Variants in DCAF10 observed in about 807,000 individuals in gnomAD.
DCAF10 encodes DDB1 and CUL4 associated factor 10.
Under a neutral mutation model 51.9 loss-of-function variants are expected in DCAF10, and 19 were observed. The ratio of observed to expected loss-of-function variants is 0.37; its 90% CI spans 0.26 to 0.54. The LOEUF is 0.54. DCAF10 is among the 20% of genes least tolerant of loss of function. The pLI, the probability that DCAF10 is intolerant of heterozygous loss-of-function variation, is 0.87. For synonymous variants in DCAF10, 291 were observed against 297.1 expected, an observed-to-expected ratio of 0.98 and a Z score of 0.21; for missense variants, 510 against 730.6, an observed-to-expected ratio of 0.70 and a Z score of 3.48.
chr9:37,860,437 A>G, intron 6 of DCAF10: 1 of 384,694 alleles, frequency 2.6e-6, no homozygotes, highest in Non-Finnish European at 4.6e-6. Context: ...TTTAAAGGCC[A>G]GCATCAGCTC....
intron 1 of DCAF10, among the ~76,000 whole-genome samples, chr9:37,812,126 G>A (rs1284393306): frequency 6.6e-6 from 1 of 151,990 alleles, no homozygotes; most frequent in Non-Finnish European, 1.5e-5. Flanking sequence ...GCTGCAGTGA[G>A]CTGAGATTGC....
chr9:37,837,480 A>G (rs1216678568), intron 2 of DCAF10, among the ~76,000 whole-genome samples: 1 of 151,794 alleles, frequency 6.6e-6, no homozygotes, highest in African/African-American at 2.4e-5. Context: ...AAAAAAGAAA[A>G]GAAAATTGTG....
chr9:37,827,122 G>A (rs565435278), intron 2 of DCAF10, among the ~76,000 whole-genome samples: 74 of 152,122 alleles, frequency 4.9e-4, no homozygotes, highest in African/African-American at 1.7e-3. Flanking sequence ...CACTGCGCCC[G>A]GCCACCACAA....
chr9:37,854,277 T>C (rs7022002), intron 3 of DCAF10, among the ~76,000 whole-genome samples: 29,130 of 151,978 alleles, frequency 0.19, 3,195 homozygotes, highest in African/African-American at 0.29. Context: ...TTTATTTTAA[T>C]TTTTTAAATT....
chr9:37,854,850 C>T lies in DCAF10; in HGVS notation c.922C>T (p.Pro308Ser), dbSNP rs1416077849. 2 of 1,614,002 alleles carry T rather than the reference C, an allele frequency of 1.2e-6. No homozygotes were observed. Among genetic ancestry groups the T allele is most frequent in the South Asian group, 2.2e-5 (2 of 91,066 alleles). Residue 308 changes from proline (P) to serine (S), a missense_variant, in exon 4 of 7, where the codon CCA becomes TCA. Pro to Ser is a moderately conservative substitution (Grantham distance 74). Transcript: ENST00000377724. ...TRFLMRMRLT[P>S]DCSKMLISTS... is the part of the protein sequence containing the mutation. ...TTTTCTCATGCGAATGAGGTTAACA[C>T]CAGATTGTTCCAAAATGTTGATTTC... is the stretch of plus-strand genomic sequence containing the variant.
chr9:37,814,781 A>G (rs1373589915), intron 1 of DCAF10, among the ~76,000 whole-genome samples: 1 of 152,190 alleles, frequency 6.6e-6, no homozygotes, highest in East Asian at 1.9e-4. Context: ...AGCACTACCA[A>G]ATTTACAAGA....
intron 3 of DCAF10, among the ~76,000 whole-genome samples, chr9:37,850,067 A>T (rs1045414739): frequency 1.4e-4 from 22 of 152,198 alleles, no homozygotes; most frequent in African/African-American, 5.1e-4. Flanking sequence ...TTTAAAACAT[A>T]AAATAGATAA....
At position 37,841,994 on chromosome 9, in the gene DCAF10, T is replaced by G. The variant is rs550456098; in HGVS notation, c.654-95T>G. 3 of 1,196,646 alleles carry G rather than the reference T, an allele frequency of 2.5e-6. No homozygotes were observed. The East Asian group carries it at 7.4e-5, about 29-fold the overall frequency. The allele number at this position is 1,196,646 out of a possible 1,614,324, so 74.1% of individuals were successfully genotyped here. ...GAGTGTGTAGTCCTTTTTTTCTTTCTTTCTTGACTAGGTAATATAGTGACT... is the reference window on the plus strand; with the variant it reads ...GAGTGTGTAGTCCTTTTTTTCTTTCGTTCTTGACTAGGTAATATAGTGACT... On this transcript the variant is annotated intron_variant, in intron 2 of 6. Coordinates refer to ENST00000377724, the MANE Select transcript of DCAF10 (RefSeq NM_024345.5).
intron 2 of DCAF10, chr9:37,836,032 C>G: frequency 1.9e-6 from 2 of 1,054,652 alleles, no homozygotes; most frequent in South Asian, 1.3e-5. Context: ...AAACGCCGTC[C>G]GCGCCGCCAC....
Position 37,801,051 on chromosome 9 carries a change from T to G in DCAF10, c.185T>G (p.Leu62Arg). The G allele has an allele frequency of 6.5e-7, 1 of 1,535,798 alleles. No individual in the cohort carries two copies. The highest frequency in any genetic ancestry group is 8.7e-7 in the Non-Finnish European group (1 of 1,150,214). ...CCTCGCCGCCCCGGCGCCCCATCGC[T>G]GTCCCCGGCCCCGCGCTCCGGAGAG... ...RSPRRPGAPS[L>R]SPAPRSGELG... Residue 62 changes from leucine (L) to arginine (R), a missense_variant, in exon 1 of 7, where the codon CTG becomes CGG. Leu to Arg is a moderately radical substitution (Grantham distance 102). Transcript: ENST00000377724. This position sits in a 1 kb window ranked among gnomAD's most constrained non-coding sequence, Gnocchi z 5.5.
rs1185016070 is a variant in DCAF10 at position 37,822,792 on chromosome 9, AAAAAT to A, written c.653+3401_653+3405del. On this transcript the variant is annotated intron_variant, in intron 2 of 6. Transcript: ENST00000377724. ...CCACCTGTATTCCAATAACTTATGG[AAAAAT>A]AAAATAAAACTAAAAAAAAGTCAAG... 1.2e-4 allele frequency among the ~76,000 whole-genome samples: 18 copies of A among 152,182 alleles called. 2 individuals carry two copies. Among genetic ancestry groups the A allele is most frequent in the African/African-American group, 4.1e-4 (17 of 41,534 alleles).
At chr9:37,855,156 G>T (rs1300891968) in intron 4 of DCAF10, among the ~76,000 whole-genome samples, 174 bp downstream of exon 4, 1 of 152,186 alleles carries the variant, frequency 6.6e-6, no homozygotes, top group Non-Finnish European at 1.5e-5. Context: ...TGATTTGTAT[G>T]TATCTCTGAC....
intron 1 of DCAF10, among the ~76,000 whole-genome samples, chr9:37,816,326 C>CGCCTGTAATCTGA (rs1399721465): frequency 6.6e-6 from 1 of 152,202 alleles, no homozygotes; most frequent in African/African-American, 2.4e-5. Context: ...CGATGGCTCA[C>CGCCTGTAATCTGA]GCCTGTAATC....
At chr9:37,816,275 T>C (rs922881996) in intron 1 of DCAF10, among the ~76,000 whole-genome samples, 1 of 152,240 alleles carries the variant, frequency 6.6e-6, no homozygotes, top group Non-Finnish European at 1.5e-5. Flanking sequence ...GATTCCATAT[T>C]GTAAAGACAG....
At chr9:37,814,602 A>G (rs771320230) in intron 1 of DCAF10, among the ~76,000 whole-genome samples, 8 of 152,148 alleles carry the variant, frequency 5.3e-5, no homozygotes, top group Non-Finnish European at 1.0e-4. Context: ...AAATAGAAAC[A>G]GAGGATATTG....
At position 37,801,224 on chromosome 9, in the gene DCAF10, G is replaced by A. The variant is rs1828927745; in HGVS notation, c.358G>A (p.Gly120Ser). The A allele has an allele frequency of 5.7e-6, 9 of 1,569,638 alleles. No individual in the cohort carries two copies. Among genetic ancestry groups the A allele is most frequent in the Non-Finnish European group, 7.8e-6 (9 of 1,160,838 alleles). ...CCTCGGCGCGGGCCTGGGCGGCCCTGGCGCTAGGCTGTTCGGGTGGCTGAA... is the reference window on the plus strand; with the variant it reads ...CCTCGGCGCGGGCCTGGGCGGCCCTAGCGCTAGGCTGTTCGGGTGGCTGAA... ...HGLGAGLGGP[G>S]ARLFGWLKER... is the part of the protein sequence containing the mutation. The change falls in exon 1 of 7, where the codon GGC (glycine) becomes AGC (serine). Residue 120 changes from glycine (G) to serine (S), a missense_variant. This residue lies in a region of DCAF10 where 251 missense variants were observed against 227.9 expected (regional missense o/e 1.10). Coordinates refer to ENST00000377724, the MANE Select transcript of DCAF10 (RefSeq NM_024345.5). This position sits in a 1 kb window ranked among gnomAD's most constrained non-coding sequence, Gnocchi z 5.5.
chr9:37,800,663 C>T (rs1828888244), upstream of DCAF10: 1 of 1,535,928 alleles, frequency 6.5e-7, no homozygotes, highest in Admixed American at 2.0e-5. Context: ...TACTCGCTCC[C>T]TACCTCCGTT....
rs994819961 is a variant in DCAF10 at position 37,867,236 on chromosome 9, A to T, written c.*5728A>T. 10 of 152,184 alleles carry T rather than the reference A, an allele frequency of 6.6e-5. No individual in the cohort carries two copies. Among genetic ancestry groups the T allele is most frequent in the African/African-American group, 2.4e-4 (10 of 41,440 alleles). The allele number at this position is 152,184 out of a possible 1,614,324, so 9.4% of individuals were successfully genotyped here. A position where few individuals can be genotyped will look rare whatever the true frequency, so the allele number is the denominator to read the frequency against. ...ATTCACCTCCTATATGTATGTGTAT[A>T]TATAAATGCCACTATAAATGAAAAT... On this transcript the variant is annotated 3_prime_UTR_variant, in exon 7 of 7. Coordinates refer to ENST00000377724, the MANE Select transcript of DCAF10 (RefSeq NM_024345.5).
chr9:37,814,480 T>C (rs541879790), intron 1 of DCAF10, among the ~76,000 whole-genome samples: 1 of 151,474 alleles, frequency 6.6e-6, no homozygotes, highest in South Asian at 2.1e-4. Flanking sequence ...AGGGTCTTGC[T>C]GTGTTGCCAG....
Sources: gnomAD v4.1 joint callset for allele counts (sites outside exome capture counted in the v4.1 genomes callset) on GRCh38, gnomAD v4.1.1 for gene constraint, gnomAD v4.1.1 regional missense constraint, Gnocchi (gnomAD v3.1) non-coding constraint, MANE v1.5 for transcripts, NCBI Gene and HGNC (gene_info 2026-07-23, HGNC 2026-07-21) for gene names.